Variants in PDE7B observed in about 807,000 individuals in gnomAD.
PDE7B encodes phosphodiesterase 7B, also known as 3',5'-cyclic-AMP phosphodiesterase 7B.
In PDE7B, 29 loss-of-function variants were observed where a neutral mutation model predicts 56.2. The ratio of observed to expected loss-of-function variants is 0.52; its 90% CI spans 0.38 to 0.70. PDE7B has a LOEUF of 0.70. PDE7B is among the 30% of genes least tolerant of loss of function. The pLI is 0.00. For synonymous variants in PDE7B, 197 were observed against 196.9 expected (o/e 1.00, Z 0.00); for missense variants, 490 against 565.0 (o/e 0.87, Z 1.35).
At chr6:136,001,973 G>C (rs1006192740) in intron 2 of PDE7B, among the ~76,000 whole-genome samples, 18 of 152,252 alleles carry the variant, frequency 1.2e-4, no homozygotes, top group African/African-American at 3.6e-4. Flanking sequence ...ACCCACAAAG[G>C]GAAGCCCATC....
At chr6:136,154,299 TTATTGA>T (rs1199128715) in intron 7 of PDE7B, 124 bp downstream of exon 7, 4 of 568,314 alleles carry the variant, frequency 7.0e-6, no homozygotes, top group Non-Finnish European at 9.5e-6. Flanking sequence ...TGAACACAAA[TTATTGA>T]TATTAAGGTT....
Position 136,151,271 on chromosome 6 carries a change from C to T in PDE7B, c.478+16C>T. On this transcript the variant is annotated intron_variant, in intron 6 of 12. Coordinates refer to ENST00000308191, the MANE Select transcript of PDE7B (RefSeq NM_018945.4). Reference sequence around the variant, plus strand: ...CGATTTTTAGGTAAGTCCTTTTTTTCACATTTCTAGCCCCATTCTCTTGAA... The same window carrying T: ...CGATTTTTAGGTAAGTCCTTTTTTTTACATTTCTAGCCCCATTCTCTTGAA... 1 of 1,316,396 alleles carries T rather than the reference C, an allele frequency of 7.6e-7. No individual in the cohort carries two copies. The highest frequency in any genetic ancestry group is 1.4e-5 in the African/African-American group (1 of 69,140). 81.5% of individuals were successfully genotyped at this position (1,316,396 alleles called of 1,614,324 possible). A position where few individuals can be genotyped will look rare whatever the true frequency, so the allele number is the denominator to read the frequency against.
intron 1 of PDE7B, among the ~76,000 whole-genome samples, chr6:135,932,473 A>C (rs1218680689): frequency 1.3e-5 from 2 of 152,188 alleles, no homozygotes; most frequent in African/African-American, 4.8e-5. Context: ...TTTAAAAAAA[A>C]ATCACCATTT....
chr6:135,894,413 T>C (rs954552580), intron 1 of PDE7B, among the ~76,000 whole-genome samples: 8 of 151,820 alleles, frequency 5.3e-5, no homozygotes, highest in African/African-American at 1.2e-4. Context: ...TTCCAAGGAG[T>C]GGGGAAATTA....
intron 2 of PDE7B, among the ~76,000 whole-genome samples, chr6:136,021,258 A>G (rs1001863216): frequency 6.6e-6 from 1 of 152,232 alleles, no homozygotes; most frequent in African/African-American, 2.4e-5. Context: ...ATATCTAAGT[A>G]TATTTCTTAC....
At chr6:136,111,885 T>C (rs1372123362) in intron 3 of PDE7B, among the ~76,000 whole-genome samples, 1 of 152,206 alleles carries the variant, frequency 6.6e-6, no homozygotes, top group Non-Finnish European at 1.5e-5. Flanking sequence ...TTCATTTTCC[T>C]TGGGTGCTTG....
chr6:136,065,259 C>G (rs1409606229), intron 2 of PDE7B, among the ~76,000 whole-genome samples: 1 of 152,142 alleles, frequency 6.6e-6, no homozygotes, highest in African/African-American at 2.4e-5. Flanking sequence ...TACAAATCAG[C>G]TTATCAAATT....
chr6:136,014,486 T>C (rs1338854948), intron 2 of PDE7B, among the ~76,000 whole-genome samples: 1 of 152,242 alleles, frequency 6.6e-6, no homozygotes, highest in African/African-American at 2.4e-5. Context: ...ACTATTAACA[T>C]ATCTAGTGTG....
chr6:136,144,456 A>T (rs1778380940), intron 3 of PDE7B, among the ~76,000 whole-genome samples: 1 of 152,184 alleles, frequency 6.6e-6, no homozygotes, highest in South Asian at 2.1e-4. Flanking sequence ...TCAGACATTC[A>T]AATAATGTGT....
At chr6:135,933,023 C>T (rs1448111320) in intron 1 of PDE7B, among the ~76,000 whole-genome samples, 1 of 152,112 alleles carries the variant, frequency 6.6e-6, no homozygotes, top group Non-Finnish European at 1.5e-5. Context: ...TGTGTTATCT[C>T]ATTTGATCTC....
chr6:136,066,329 C>A (rs1367797837), intron 2 of PDE7B, among the ~76,000 whole-genome samples: 1 of 152,168 alleles, frequency 6.6e-6, no homozygotes, highest in Admixed American at 6.5e-5. Context: ...TTTTAGAAGG[C>A]AAGATGCATG....
In PDE7B at chr6:136,151,182, G is replaced by C; in HGVS notation, c.405G>C (p.Leu135Phe). 6.2e-7 allele frequency: 1 copy of C among 1,609,752 alleles called. No individual in the cohort carries two copies. The highest frequency in any genetic ancestry group is 8.5e-7 in the Non-Finnish European group (1 of 1,176,282). ...LTNGNSLVTL[L>F]CHLFNTHGLI... ...CAGGAAACAGCCTGGTAACACTGTT[G>C]TGCCACCTCTTCAATACCCATGGAC... Residue 135 changes from leucine (L) to phenylalanine (F), a missense_variant, in exon 6 of 13, where the codon TTG (leucine) becomes TTC (phenylalanine). Leu to Phe is a conservative substitution (Grantham distance 22). Coordinates refer to ENST00000308191, the MANE Select transcript of PDE7B (RefSeq NM_018945.4).
chr6:135,946,862 T>C (rs1774604374), intron 1 of PDE7B, among the ~76,000 whole-genome samples: 1 of 152,150 alleles, frequency 6.6e-6, no homozygotes, highest in Non-Finnish European at 1.5e-5. Flanking sequence ...ATTGTATCTC[T>C]GCAGGAATTT....
intron 9 of PDE7B, among the ~76,000 whole-genome samples, chr6:136,175,443 C>T (rs529360723): frequency 7.0e-4 from 106 of 152,260 alleles, no homozygotes; most frequent in African/African-American, 2.5e-3. Flanking sequence ...ACTTTTAGCA[C>T]TTTCATATGT....
chr6:136,129,225 C>G (rs1260177143), intron 3 of PDE7B, among the ~76,000 whole-genome samples: 2 of 152,180 alleles, frequency 1.3e-5, no homozygotes, highest in African/African-American at 4.8e-5. Context: ...GTTTCTTATT[C>G]CATTTCATCA....
chr6:135,883,386 G>A (rs1215205563), intron 1 of PDE7B, among the ~76,000 whole-genome samples: 2 of 152,092 alleles, frequency 1.3e-5, no homozygotes, highest in Non-Finnish European at 2.9e-5. Flanking sequence ...AGTTAAGTGA[G>A]GACTGTCTCT....
chr6:135,934,956 AT>A (rs1774381816), intron 1 of PDE7B, among the ~76,000 whole-genome samples: 1 of 50,840 alleles, frequency 2.0e-5, no homozygotes, highest in Non-Finnish European at 4.0e-5. Flanking sequence ...ATATTTATAT[AT>A]AATATATATA....
intron 2 of PDE7B, among the ~76,000 whole-genome samples, chr6:135,992,877 G>A (rs1010376764): frequency 1.3e-5 from 2 of 152,196 alleles, no homozygotes; most frequent in Admixed American, 6.5e-5. Flanking sequence ...GTGCTTTCAA[G>A]TACACAATCT....
intron 3 of PDE7B, among the ~76,000 whole-genome samples, chr6:136,120,975 A>C (rs922255882): frequency 1.3e-5 from 2 of 152,210 alleles, no homozygotes; most frequent in Non-Finnish European, 2.9e-5. Flanking sequence ...CTGAAAAACA[A>C]GAAAAATTAT....
Sources: gnomAD v4.1 joint callset for allele counts (sites outside exome capture counted in the v4.1 genomes callset) on GRCh38, gnomAD v4.1.1 for gene constraint, MANE v1.5 for transcripts, NCBI Gene and HGNC (gene_info 2026-07-23, HGNC 2026-07-21) for gene names.